Variants in OXR1 observed in about 807,000 individuals in gnomAD.
OXR1 encodes oxidation resistance 1.
A neutral mutation model predicts 104.6 loss-of-function variants in OXR1; 41 were observed. The observed-to-expected ratio is 0.39, with a 90% CI of 0.31 to 0.51. The LOEUF is 0.51. Ranked by LOEUF, OXR1 falls within the 20% of genes least tolerant of loss-of-function variation. OXR1 has a pLI of 0.77. For synonymous variants in OXR1, 348 were observed against 348.4 expected (o/e 1.00, Z 0.01); for missense variants, 955 against 1,031.9 (o/e 0.93, Z 1.02).
chr8:106,387,389 T>A (rs570451508), intron 2 of OXR1, among the ~76,000 whole-genome samples: 1 of 152,318 alleles, frequency 6.6e-6, no homozygotes, highest in African/African-American at 2.4e-5. Flanking sequence ...AAACTCTCTC[T>A]CTCTCCATCT....
intron 1 of OXR1, among the ~76,000 whole-genome samples, chr8:106,282,039 A>C (rs1380905316): frequency 6.6e-6 from 1 of 152,064 alleles, no homozygotes; most frequent in African/African-American, 2.4e-5. Context: ...CTTTCCCCCT[A>C]CCCCAAACTT....
At chr8:106,345,931 A>T (rs957618921) in intron 1 of OXR1, among the ~76,000 whole-genome samples, 5 of 152,196 alleles carry the variant, frequency 3.3e-5, no homozygotes, top group African/African-American at 1.2e-4. Flanking sequence ...TTCTTTGAAG[A>T]TCTGAAGGAG....
At chr8:106,647,058 C>A (rs1244852914) in intron 3 of OXR1, among the ~76,000 whole-genome samples, 1 of 152,078 alleles carries the variant, frequency 6.6e-6, no homozygotes, top group African/African-American at 2.4e-5. Flanking sequence ...TGGAATAATT[C>A]TATGGTAAGT....
intron 3 of OXR1, among the ~76,000 whole-genome samples, chr8:106,545,886 C>T (rs2130366451): frequency 6.6e-6 from 1 of 151,948 alleles, no homozygotes; most frequent in South Asian, 2.1e-4. Context: ...GTCCCTGCTA[C>T]TCCGGAGGCT....
intron 2 of OXR1, among the ~76,000 whole-genome samples, chr8:106,423,448 C>T (rs1418028341): frequency 6.6e-6 from 1 of 152,026 alleles, no homozygotes; most frequent in Non-Finnish European, 1.5e-5. Context: ...TTCTGTATTT[C>T]TGGAATTATA....
At chr8:106,404,317 A>T (rs1818126890) in intron 2 of OXR1, among the ~76,000 whole-genome samples, 1 of 152,180 alleles carries the variant, frequency 6.6e-6, no homozygotes, top group African/African-American at 2.4e-5. Flanking sequence ...CAATGTCCCC[A>T]ACTTCATCAG....
At chr8:106,338,892 T>C (rs956832756) in intron 1 of OXR1, among the ~76,000 whole-genome samples, 8 of 152,188 alleles carry the variant, frequency 5.3e-5, no homozygotes, top group African/African-American at 1.9e-4. Flanking sequence ...CTCTCTTTAA[T>C]TTACCCTCTG....
chr8:106,305,147 T>A (rs949719452), intron 1 of OXR1, among the ~76,000 whole-genome samples: 1 of 152,156 alleles, frequency 6.6e-6, no homozygotes, highest in Non-Finnish European at 1.5e-5. Context: ...TTCACTGAAA[T>A]TGAAGTGTTA....
At chr8:106,320,108 T>C (rs1440060982) in intron 1 of OXR1, among the ~76,000 whole-genome samples, 1 of 152,206 alleles carries the variant, frequency 6.6e-6, no homozygotes, top group Admixed American at 6.5e-5. Flanking sequence ...ACACATCACA[T>C]AGCAAGACCA....
intron 9 of OXR1, 106 bp downstream of exon 9, chr8:106,707,251 A>G (rs28921422): frequency 1.1e-6 from 1 of 909,748 alleles, no homozygotes; most frequent in Non-Finnish European, 1.8e-6. Flanking sequence ...CTGAAGGATA[A>G]GTGAGTGACC....
intron 2 of OXR1, among the ~76,000 whole-genome samples, chr8:106,361,544 G>T (rs974681873): frequency 6.6e-6 from 1 of 152,174 alleles, no homozygotes; most frequent in Admixed American, 6.6e-5. Flanking sequence ...TAAATCTAAA[G>T]CATGCAAAAC....
intron 2 of OXR1, among the ~76,000 whole-genome samples, chr8:106,374,078 G>T (rs1816813777): frequency 6.6e-6 from 1 of 152,158 alleles, no homozygotes; most frequent in Admixed American, 6.5e-5. Flanking sequence ...TATTGAAACA[G>T]CTTAAACATT....
At chr8:106,353,406 C>T (rs1472699589) in intron 1 of OXR1, among the ~76,000 whole-genome samples, 4 of 149,956 alleles carry the variant, frequency 2.7e-5, no homozygotes, top group Admixed American at 6.6e-5. Flanking sequence ...ACTATATAGA[C>T]AATCAATTTT....
intron 3 of OXR1, among the ~76,000 whole-genome samples, chr8:106,589,340 C>T (rs1374619708): frequency 1.5e-5 from 2 of 137,092 alleles, no homozygotes; most frequent in Admixed American, 7.2e-5. Context: ...GCCCTGGAGC[C>T]TTTTTTTTTT....
intron 3 of OXR1, among the ~76,000 whole-genome samples, chr8:106,670,077 A>G (rs1011134582): frequency 6.6e-6 from 1 of 152,154 alleles, no homozygotes; most frequent in Non-Finnish European, 1.5e-5. Flanking sequence ...CTGAAACAGG[A>G]ACTGAGAGAC....
At chr8:106,328,175 G>A (rs1000340153) in intron 1 of OXR1, among the ~76,000 whole-genome samples, 1 of 152,172 alleles carries the variant, frequency 6.6e-6, no homozygotes, top group Admixed American at 6.5e-5. Flanking sequence ...TAACAATCCA[G>A]TGTTTATTAT....
At chr8:106,569,686 G>T (rs959079620) in intron 3 of OXR1, among the ~76,000 whole-genome samples, 10 of 152,158 alleles carry the variant, frequency 6.6e-5, no homozygotes, top group Admixed American at 5.9e-4. Context: ...CATATAAATT[G>T]TCCATTGACA....
chr8:106,524,185 A>C (rs1181114124), intron 3 of OXR1, among the ~76,000 whole-genome samples: 2 of 152,226 alleles, frequency 1.3e-5, no homozygotes, highest in East Asian at 3.8e-4. Flanking sequence ...CCCTACTTAA[A>C]GATAGATAAT....
At chr8:106,546,102 C>T (rs1349512461) in intron 3 of OXR1, among the ~76,000 whole-genome samples, 1 of 152,126 alleles carries the variant, frequency 6.6e-6, no homozygotes, top group African/African-American at 2.4e-5. Flanking sequence ...TTGACTGTCA[C>T]GTGTCATTCG....
Sources: gnomAD v4.1 joint callset for allele counts (sites outside exome capture counted in the v4.1 genomes callset) on GRCh38, gnomAD v4.1.1 for gene constraint, MANE v1.5 for transcripts, NCBI Gene and HGNC (gene_info 2026-07-23, HGNC 2026-07-21) for gene names.